TMEM263: variants seen among roughly 807,000 people sequenced by gnomAD.
TMEM263 encodes the protein UPF0444 transmembrane protein C12orf23.
In TMEM263, 5 loss-of-function variants were observed where a neutral mutation model predicts 8.6. That is an observed-to-expected ratio of 0.58 (90% CI 0.31 to 1.23). The LOEUF (loss-of-function observed/expected upper bound fraction) is 1.23, where lower values mean the gene tolerates loss of function less well. Among genes scored for constraint, TMEM263 ranks in the 50% most tolerant of loss-of-function variants. The probability of loss-of-function intolerance (pLI) is 0.07; values close to 1 mark genes in which losing one functional copy is unlikely to be tolerated. For missense variants in TMEM263, 104 were observed against 138.8 expected, an observed-to-expected ratio of 0.75 and a Z score of 1.26; for synonymous variants, 50 against 47.9, an observed-to-expected ratio of 1.04 and a Z score of -0.18.
chr12:106,967,429 T>C (rs1049604803), intron 3 of TMEM263: 8 of 315,290 alleles, frequency 2.5e-5, no homozygotes, highest in Middle Eastern at 9.7e-4. Flanking sequence ...TGGCTAATTT[T>C]TTGTATTTTT....
At chr12:106,961,314 A>G (rs1367848400) in intron 2 of TMEM263, among the ~76,000 whole-genome samples, 2 of 137,870 alleles carry the variant, frequency 1.5e-5, no homozygotes, top group African/African-American at 5.6e-5. Flanking sequence ...TAGCTCAAGC[A>G]GTCCTCTAAC....
chr12:106,962,802 A>C (rs1951797157), intron 2 of TMEM263, among the ~76,000 whole-genome samples: 1 of 152,232 alleles, frequency 6.6e-6, no homozygotes, highest in Non-Finnish European at 1.5e-5. Context: ...CTTATACTAG[A>C]AATATGACAT....
At chr12:106,956,160 C>G (rs1197574933) in intron 1 of TMEM263, 95 bp downstream of exon 1, 1 of 618,220 alleles carries the variant, frequency 1.6e-6, no homozygotes, top group East Asian at 1.4e-4. Flanking sequence ...CCTCACCTCC[C>G]AGTGCCCGGC....
At position 106,956,080 on chromosome 12, in the gene TMEM263, A is replaced by G; in HGVS notation, c.-75+15A>G. The stretch of plus-strand genomic sequence containing the variant: ...CGACCCCGGCGGTGAGTGAGTCGGG[A>G]TGCGAGGGCAGGGGCGCAGTCCCGG... On this transcript the variant is annotated intron_variant, in intron 1 of 3. Transcript: ENST00000280756. 1.2e-5 allele frequency: 12 copies of G among 979,540 alleles called. No individual in the cohort carries two copies. Among genetic ancestry groups the G allele is most frequent in the Non-Finnish European group, 1.3e-5 (11 of 824,622 alleles). 60.7% of individuals were successfully genotyped at this position (979,540 alleles called of 1,614,324 possible).
At chr12:106,957,946 G>A (rs1454762267) in intron 2 of TMEM263, among the ~76,000 whole-genome samples, 1 of 152,188 alleles carries the variant, frequency 6.6e-6, no homozygotes, top group Non-Finnish European at 1.5e-5. Context: ...GTAAGCTGGA[G>A]TTTTAATGTA....
chr12:106,956,168 G>C, intron 1 of TMEM263, 103 bp downstream of exon 1: 1 of 565,930 alleles, frequency 1.8e-6, no homozygotes, highest in Non-Finnish European at 2.2e-6. Flanking sequence ...CCCAGTGCCC[G>C]GCCTGGCTGC....
rs980829166 is a variant in TMEM263 at position 106,957,267 on chromosome 12, G to A, written c.-7+118G>A. 20 of 690,322 alleles carry A rather than the reference G, an allele frequency of 2.9e-5. No homozygotes were observed. In the African/African-American group the frequency reaches 3.2e-4, roughly 11 times the overall value. 42.8% of individuals were successfully genotyped at this position (690,322 alleles called of 1,614,324 possible). ...CTTTTTAAAAAGAAAGGGAGAAGTA[G>A]CCTTTGATAAACCCATATGCATCCT... On this transcript the variant is annotated intron_variant, in intron 2 of 3. Transcript: ENST00000280756.
intron 2 of TMEM263, chr12:106,966,900 A>G: frequency 8.8e-6 from 4 of 453,462 alleles, no homozygotes; most frequent in Non-Finnish European, 1.5e-5. Flanking sequence ...TGTTTCACAT[A>G]AGATTTATAT....
At chr12:106,966,345 T>TA (rs1211646238) in intron 2 of TMEM263, among the ~76,000 whole-genome samples, 1 of 152,262 alleles carries the variant, frequency 6.6e-6, no homozygotes, top group Non-Finnish European at 1.5e-5. Context: ...TTACATAGTG[T>TA]TCCATGATGT....
chr12:106,961,072 T>G (rs1039472094), intron 2 of TMEM263, among the ~76,000 whole-genome samples: 1 of 152,092 alleles, frequency 6.6e-6, no homozygotes, highest in African/African-American at 2.4e-5. Context: ...TCCTATCGTT[T>G]GAGACAGGGT....
At chr12:106,958,733 A>T (rs1392415536) in intron 2 of TMEM263, among the ~76,000 whole-genome samples, 1 of 152,204 alleles carries the variant, frequency 6.6e-6, no homozygotes, top group Non-Finnish European at 1.5e-5. Context: ...TACTTATCTA[A>T]AGCTATTGTC....
At chr12:106,965,949 G>T (rs1330480651) in intron 2 of TMEM263, among the ~76,000 whole-genome samples, 1 of 151,778 alleles carries the variant, frequency 6.6e-6, no homozygotes, top group African/African-American at 2.4e-5. Context: ...TTTTTTTTAA[G>T]GACTTTCTCA....
At chr12:106,970,975 ATCAGTGTG>A in intron 3 of TMEM263, 122 bp from the exon 4 acceptor site, 1 of 822,564 alleles carries the variant, frequency 1.2e-6, no homozygotes, top group Non-Finnish European at 1.9e-6. Flanking sequence ...GTGTCTTTGA[ATCAGTGTG>A]GTTGGCCTTA....
At chr12:106,966,626 C>G (rs748876052) in intron 2 of TMEM263, among the ~76,000 whole-genome samples, 13 of 152,140 alleles carry the variant, frequency 8.5e-5, no homozygotes, top group Admixed American at 6.5e-4. Flanking sequence ...TGCAGCTTTG[C>G]CAGCATCTGT....
rs932112246 is a variant in TMEM263, at chr12:106,973,501, A to G, written c.*2110A>G. The G allele has an allele frequency of 1.3e-5, 2 of 152,638 alleles. No homozygotes were observed. 9.5% of individuals were successfully genotyped at this position (152,638 alleles called of 1,614,324 possible). The stretch of plus-strand genomic sequence containing the variant: ...GTTGTAATTAATTTCTGCTACAGAA[A>G]AGCCACCTGGTACGTTTTGTCTCAT... On this transcript the variant is annotated 3_prime_UTR_variant, in exon 4 of 4. Transcript: ENST00000280756.
At chr12:106,957,344 C>T (rs985069056) in intron 2 of TMEM263, among the ~76,000 whole-genome samples, 195 bp downstream of exon 2, 1 of 152,188 alleles carries the variant, frequency 6.6e-6, no homozygotes, top group Non-Finnish European at 1.5e-5. Flanking sequence ...ACAGATGTAC[C>T]AGAAACCAAG....
At chr12:106,966,375 T>G (rs1951848448) in intron 2 of TMEM263, among the ~76,000 whole-genome samples, 1 of 152,270 alleles carries the variant, frequency 6.6e-6, no homozygotes, top group African/African-American at 2.4e-5. Flanking sequence ...ACATTTTCTT[T>G]ATCCAGTCCA....
At chr12:106,965,584 C>T (rs1185057784) in intron 2 of TMEM263, among the ~76,000 whole-genome samples, 9 of 146,228 alleles carry the variant, frequency 6.2e-5, no homozygotes, top group South Asian at 2.2e-4. Flanking sequence ...CCAGCCTGGG[C>T]GACAGAGTGA....
rs1288864023 is a variant in TMEM263, at chr12:106,965,225, C to T, written c.-6-1886C>T. On this transcript the variant is annotated intron_variant, in intron 2 of 3. Transcript: ENST00000280756. Reference sequence around the variant, plus strand: ...TTTCTTCTTCCGCAAAGACTCTTCACCTAAATATCTTGTATCCTTACCTTC... The same window carrying T: ...TTTCTTCTTCCGCAAAGACTCTTCATCTAAATATCTTGTATCCTTACCTTC... 1.1e-4 allele frequency among the ~76,000 whole-genome samples: 16 copies of T among 152,154 alleles called. 1 individual carries two copies. The highest frequency in any genetic ancestry group is 1.6e-4 in the Non-Finnish European group (11 of 68,024).
Sources: gnomAD v4.1 joint callset for allele counts (sites outside exome capture counted in the v4.1 genomes callset) on GRCh38, gnomAD v4.1.1 for gene constraint, MANE v1.5 for transcripts, NCBI Gene and HGNC (gene_info 2026-07-23, HGNC 2026-07-21) for gene names.